The following CNOT4 variants were observed in gnomAD, a reference collection of about 807,000 sequenced individuals.
CNOT4 encodes the protein CCR4-NOT transcription complex subunit 4.
CNOT4 carries 8 observed loss-of-function variants against 73.8 expected under a neutral mutation model. That is an observed-to-expected ratio of 0.11 (90% CI 0.06 to 0.20). The LOEUF (loss-of-function observed/expected upper bound fraction) is 0.20. Ranked by LOEUF, CNOT4 falls within the 10% of genes least tolerant of loss-of-function variation. CNOT4 has a pLI of 1.00. For synonymous variants in CNOT4, 293 were observed against 321.1 expected, an observed-to-expected ratio of 0.91 and a Z score of 0.94; for missense variants, 564 against 883.4, an observed-to-expected ratio of 0.64 and a Z score of 4.58.
At chr7:135,433,726 CT>C (rs1373879867) in intron 2 of CNOT4, among the ~76,000 whole-genome samples, 1 of 152,132 alleles carries the variant, frequency 6.6e-6, no homozygotes, top group Non-Finnish European at 1.5e-5. Context: ...AATAATACTT[CT>C]GTTGAAGTTC....
At chr7:135,488,961 G>A (rs1376161056) in intron 1 of CNOT4, among the ~76,000 whole-genome samples, 1 of 152,032 alleles carries the variant, frequency 6.6e-6, no homozygotes, top group East Asian at 1.9e-4. Context: ...CTCAAGACTT[G>A]ACAAAGTTAG....
At chr7:135,452,879 T>C (rs144955588) in intron 1 of CNOT4, among the ~76,000 whole-genome samples, 363 of 152,318 alleles carry the variant, frequency 2.4e-3, no homozygotes, top group African/African-American at 8.0e-3. Flanking sequence ...GAAAGTGTTA[T>C]TAATAGGTAA....
intron 1 of CNOT4, among the ~76,000 whole-genome samples, chr7:135,452,431 G>A (rs1390924435): frequency 2.0e-5 from 3 of 152,050 alleles, no homozygotes; most frequent in East Asian, 1.9e-4. Context: ...TTAGCCAAGC[G>A]TGGTGGCACA....
chr7:135,486,069 C>A (rs946440157), intron 1 of CNOT4, among the ~76,000 whole-genome samples: 3 of 152,068 alleles, frequency 2.0e-5, no homozygotes, highest in African/African-American at 7.2e-5. Context: ...GTATAAAGCA[C>A]TCACCAAAAT....
intron 10 of CNOT4, among the ~76,000 whole-genome samples, chr7:135,383,126 G>A (rs533662394): frequency 6.6e-6 from 1 of 152,196 alleles, no homozygotes; most frequent in South Asian, 2.1e-4. Context: ...CTGTTCACCA[G>A]TACCTTAATT....
chr7:135,493,129 TC>T (rs1478810348), intron 1 of CNOT4, among the ~76,000 whole-genome samples: 1 of 152,140 alleles, frequency 6.6e-6, no homozygotes, highest in Non-Finnish European at 1.5e-5. Flanking sequence ...GGAACCAGGC[TC>T]CCTCTTGACT....
At chr7:135,455,782 G>A (rs755145501) in intron 1 of CNOT4, among the ~76,000 whole-genome samples, 5 of 152,044 alleles carry the variant, frequency 3.3e-5, no homozygotes, top group Non-Finnish European at 7.4e-5. Context: ...GCTGAGGCAC[G>A]AGGTGAACCT....
At position 135,464,387 on chromosome 7, in the gene CNOT4, T is replaced by C. The variant is rs547466550; in HGVS notation, c.-92-25964A>G. On this transcript the variant is annotated intron_variant, in intron 1 of 11. Transcript: ENST00000541284. Reference sequence around the variant, plus strand: ...AACAAGATCATGTCTTTTGCAGGAATATGGATGGAGCTGGAGGCTATTATT... The same window carrying C: ...AACAAGATCATGTCTTTTGCAGGAACATGGATGGAGCTGGAGGCTATTATT... Among the ~76,000 whole-genome samples, 11 of 152,276 alleles carry C rather than the reference T, an allele frequency of 7.2e-5. No individual in the cohort carries two copies. The South Asian group carries it at 2.3e-3, about 32-fold the overall frequency.
intron 10 of CNOT4, among the ~76,000 whole-genome samples, chr7:135,389,755 CTGACT>C (rs1342909523): frequency 1.3e-5 from 2 of 152,068 alleles, no homozygotes; most frequent in African/African-American, 4.8e-5. Flanking sequence ...ACAATGCTTA[CTGACT>C]TATGTTTTCC....
At chr7:135,473,963 T>C (rs1376116571) in intron 1 of CNOT4, among the ~76,000 whole-genome samples, 1 of 151,180 alleles carries the variant, frequency 6.6e-6, no homozygotes, top group East Asian at 1.9e-4. Context: ...ATTTTTTAAC[T>C]GGTTTTTGTC....
chr7:135,370,185 T>C (rs995560925), intron 10 of CNOT4, among the ~76,000 whole-genome samples: 1 of 152,166 alleles, frequency 6.6e-6, no homozygotes, highest in Non-Finnish European at 1.5e-5. Context: ...AAGGGTTTAA[T>C]AGATCTGAAA....
intron 10 of CNOT4, among the ~76,000 whole-genome samples, chr7:135,385,973 T>C (rs1445334002): frequency 4.6e-5 from 7 of 152,058 alleles, no homozygotes; most frequent in East Asian, 1.9e-4. Context: ...AAGTAACACA[T>C]GGAAAACCAA....
intron 1 of CNOT4, among the ~76,000 whole-genome samples, chr7:135,506,254 T>C (rs2129488385): frequency 6.6e-6 from 1 of 152,360 alleles, no homozygotes; most frequent in Admixed American, 6.5e-5. Context: ...AAGTTCCATT[T>C]AGATTAAGAA....
chr7:135,400,734 A>G (rs1015458726), intron 7 of CNOT4, among the ~76,000 whole-genome samples: 2 of 152,166 alleles, frequency 1.3e-5, no homozygotes, highest in Non-Finnish European at 2.9e-5. Flanking sequence ...AGGTTTTATC[A>G]AAGATGTTTT....
intron 6 of CNOT4, among the ~76,000 whole-genome samples, chr7:135,412,638 A>C (rs1211097617): frequency 1.3e-5 from 2 of 151,958 alleles, no homozygotes; most frequent in Non-Finnish European, 2.9e-5. Context: ...CAAGTCAAAA[A>C]AGGTAATACT....
At chr7:135,430,552 G>A (rs1358988173) in intron 2 of CNOT4, among the ~76,000 whole-genome samples, 5 of 152,086 alleles carry the variant, frequency 3.3e-5, no homozygotes, top group African/African-American at 7.2e-5. Context: ...GGCTGAAGCA[G>A]GAGAATTGCT....
At chr7:135,378,447 T>A (rs1245706006) in intron 10 of CNOT4, among the ~76,000 whole-genome samples, 4 of 151,316 alleles carry the variant, frequency 2.6e-5, no homozygotes, top group Non-Finnish European at 4.4e-5. Context: ...GAGGCTGCAG[T>A]GAGCCGACGT....
At chr7:135,382,033 T>C (rs1260069007) in intron 10 of CNOT4, among the ~76,000 whole-genome samples, 2 of 152,066 alleles carry the variant, frequency 1.3e-5, no homozygotes, top group Non-Finnish European at 2.9e-5. Context: ...CCTTAGGAAG[T>C]GTGGTCAAGA....
chr7:135,386,984 G>A (rs1796151248), intron 10 of CNOT4: 2 of 615,832 alleles, frequency 3.2e-6, no homozygotes, highest in Non-Finnish European at 4.1e-6. Context: ...GAATGCTGGA[G>A]AAGGCTTTGA....
Sources: allele counts gnomAD v4.1 joint callset (sites outside exome capture counted in the v4.1 genomes callset), GRCh38; gene constraint gnomAD v4.1.1; transcripts MANE v1.5; gene names NCBI Gene and HGNC (gene_info 2026-07-23, HGNC 2026-07-21).